The following TGFBR3 variants were observed in gnomAD, a reference collection of about 807,000 sequenced individuals.
TGFBR3 encodes transforming growth factor beta receptor 3.
Under a neutral mutation model 87.9 loss-of-function variants are expected in TGFBR3, and 46 were observed. That is an observed-to-expected ratio of 0.52 (90% confidence interval 0.41 to 0.67). TGFBR3 has a LOEUF of 0.67. TGFBR3 is among the 30% of genes least tolerant of loss of function. The pLI is 0.00. For missense variants in TGFBR3, 866 were observed against 1,041.9 expected, an observed-to-expected ratio of 0.83 and a Z score of 2.32; for synonymous variants, 381 against 391.6, an observed-to-expected ratio of 0.97 and a Z score of 0.32.
intron 2 of TGFBR3, among the ~76,000 whole-genome samples, chr1:91,839,677 C>T (rs528145105): frequency 1.1e-4 from 17 of 152,128 alleles, no homozygotes; most frequent in Non-Finnish European, 2.2e-4. Flanking sequence ...GGGACATTCT[C>T]CAGTAGTTCC....
chr1:91,684,932 T>A (rs762812235), intron 16 of TGFBR3, among the ~76,000 whole-genome samples: 5 of 152,148 alleles, frequency 3.3e-5, no homozygotes, highest in Non-Finnish European at 7.3e-5. Flanking sequence ...CATGCTGAAA[T>A]ACACATCTAT....
At chr1:91,875,910 C>CAAAAAAAAAAAA (rs34185299) in intron 1 of TGFBR3, among the ~76,000 whole-genome samples, 1 of 64,116 alleles carries the variant, frequency 1.6e-5, no homozygotes, top group African/African-American at 5.8e-5. Context: ...GACTCCGTCT[C>CAAAAAAAAAAAA]AAAAAAAAAA....
At chr1:91,817,941 T>C (rs1195054199) in intron 2 of TGFBR3, among the ~76,000 whole-genome samples, 2 of 151,020 alleles carry the variant, frequency 1.3e-5, no homozygotes, top group African/African-American at 4.9e-5. Flanking sequence ...TTGGCTGGAG[T>C]TTTTTACAGA....
chr1:91,690,680 G>A (rs1371646765), intron 16 of TGFBR3, among the ~76,000 whole-genome samples: 1 of 152,080 alleles, frequency 6.6e-6, no homozygotes, highest in Non-Finnish European at 1.5e-5. Context: ...ATAATTTGTT[G>A]CCATGTCAGT....
chr1:91,785,322 G>A (rs559505945), intron 3 of TGFBR3, among the ~76,000 whole-genome samples: 6 of 152,350 alleles, frequency 3.9e-5, no homozygotes, highest in Admixed American at 6.5e-5. Context: ...GTGCCGGGTC[G>A]TGGGGGGCAC....
At chr1:91,905,279 CTTAT>C (rs1235785689) in intron 1 of TGFBR3, among the ~76,000 whole-genome samples, 3 of 152,084 alleles carry the variant, frequency 2.0e-5, no homozygotes, top group African/African-American at 7.2e-5. Flanking sequence ...GATCAGTTGG[CTTAT>C]TTAACACTTT....
At chr1:91,719,753 T>A (rs1169869444) in intron 9 of TGFBR3, 140 bp downstream of exon 9, 6 of 979,906 alleles carry the variant, frequency 6.1e-6, no homozygotes, top group Non-Finnish European at 6.3e-6. Context: ...CAAGGGGAAG[T>A]AGGCCCATCC....
Position 91,782,147 on chromosome 1 carries a change from G to A in TGFBR3, c.246+15140C>T, listed in dbSNP as rs186263438. 5.3e-3 allele frequency among the ~76,000 whole-genome samples: 802 copies of A among 152,164 alleles called. 7 individuals carry two copies. The highest frequency in any genetic ancestry group is 0.018 in the African/African-American group (759 of 41,522). ...GAAGGGCCTGCGTGAAAGCCCTCAC[G>A]GGGATGCTGGGCTCAGCAGGAAGAA... On this transcript the variant is annotated intron_variant, in intron 3 of 16. Transcript: ENST00000212355.
Position 91,681,959 on chromosome 1 carries a change from A to T in TGFBR3, c.*1780T>A. 2.2e-6 allele frequency: 1 copy of T among 453,524 alleles called. No individual in the cohort carries two copies. Among genetic ancestry groups the T allele is most frequent in the Non-Finnish European group, 4.4e-6 (1 of 226,680 alleles). The allele number at this position is 453,524 out of a possible 1,614,324, so 28.1% of individuals were successfully genotyped here. A position where few individuals can be genotyped will look rare whatever the true frequency, so the allele number is the denominator to read the frequency against. ...TCATGTCTTCTTCGTTTGTATATGG[A>T]AATCTAGAAATTTTTCAGTAGATCA... On this transcript the variant is annotated 3_prime_UTR_variant, in exon 17 of 17. Coordinates refer to ENST00000212355, the MANE Select transcript of TGFBR3 (RefSeq NM_003243.5).
intron 3 of TGFBR3, among the ~76,000 whole-genome samples, chr1:91,776,474 T>C (rs1316078766): frequency 1.3e-5 from 2 of 152,250 alleles, no homozygotes; most frequent in Non-Finnish European, 2.9e-5. Flanking sequence ...CTACCAATTA[T>C]TTCCCAGCTC....
At chr1:91,796,165 C>T (rs1316630626) in intron 3 of TGFBR3, among the ~76,000 whole-genome samples, 1 of 152,186 alleles carries the variant, frequency 6.6e-6, no homozygotes, top group Non-Finnish European at 1.5e-5. Context: ...ATTTCTGACA[C>T]ACAGAAGCTT....
intron 2 of TGFBR3, among the ~76,000 whole-genome samples, chr1:91,837,868 T>C (rs971734807): frequency 2.6e-5 from 4 of 152,194 alleles, no homozygotes; most frequent in Non-Finnish European, 5.9e-5. Context: ...GAAAAGTCCC[T>C]GGAGTCCCTG....
At chr1:91,810,011 C>A (rs776053239) in intron 2 of TGFBR3, among the ~76,000 whole-genome samples, 2 of 152,044 alleles carry the variant, frequency 1.3e-5, no homozygotes, top group Non-Finnish European at 2.9e-5. Flanking sequence ...CTTAGAGAGA[C>A]AGAAGGATTG....
intron 2 of TGFBR3, among the ~76,000 whole-genome samples, chr1:91,813,058 G>A (rs1480069212): frequency 2.6e-5 from 4 of 152,126 alleles, no homozygotes; most frequent in South Asian, 4.1e-4. Flanking sequence ...TCTGGATGAA[G>A]ACCAGAAGAT....
At chr1:91,876,555 G>A (rs555820512) in intron 1 of TGFBR3, among the ~76,000 whole-genome samples, 27 of 149,086 alleles carry the variant, frequency 1.8e-4, no homozygotes, top group Admixed American at 1.1e-3. Flanking sequence ...TCAGTTCAAA[G>A]CATGGTAAAA....
At chr1:91,689,016 A>G (rs1201451348) in intron 16 of TGFBR3, among the ~76,000 whole-genome samples, 2 of 152,158 alleles carry the variant, frequency 1.3e-5, no homozygotes, top group African/African-American at 2.4e-5. Context: ...TCAAATGCCC[A>G]TATCATTATT....
intron 14 of TGFBR3, among the ~76,000 whole-genome samples, chr1:91,701,386 A>G (rs1671615963): frequency 6.6e-6 from 1 of 152,136 alleles, no homozygotes; most frequent in Non-Finnish European, 1.5e-5. Flanking sequence ...GAACCCTACC[A>G]TCGAGTTGGC....
intron 2 of TGFBR3, among the ~76,000 whole-genome samples, chr1:91,832,763 G>A (rs1676894879): frequency 6.6e-5 from 10 of 152,206 alleles, no homozygotes; most frequent in Admixed American, 5.9e-4. Flanking sequence ...AGCACTTTGG[G>A]AGGCCGAGGC....
intron 13 of TGFBR3, among the ~76,000 whole-genome samples, 188 bp downstream of exon 13, chr1:91,712,055 C>A (rs284869): frequency 0.93 from 142,253 of 152,302 alleles, 66,538 homozygotes; most frequent in Admixed American, 0.94. Context: ...AAAAAAGAAA[C>A]TCATGCTGTC....
Sources: gnomAD v4.1 joint callset for allele counts (sites outside exome capture counted in the v4.1 genomes callset) on GRCh38, gnomAD v4.1.1 for gene constraint, MANE v1.5 for transcripts, NCBI Gene and HGNC (gene_info 2026-07-23, HGNC 2026-07-21) for gene names.